The following FAT4 variants were observed in gnomAD, a reference collection of about 807,000 sequenced individuals.
FAT4 encodes the protein FAT atypical cadherin 4, also known as protocadherin Fat 4.
A neutral mutation model predicts 303.9 loss-of-function variants in FAT4; 84 were observed. The observed-to-expected ratio is 0.28, with a 90% CI of 0.23 to 0.33. The LOEUF (loss-of-function observed/expected upper bound fraction) is 0.33, where lower values mean the gene tolerates loss of function less well. FAT4 is among the 10% of genes least tolerant of loss of function. The probability of loss-of-function intolerance (pLI) is 1.00; values close to 1 mark genes in which losing one functional copy is unlikely to be tolerated. For synonymous variants in FAT4, 2,307 were observed against 2,298.8 expected, an observed-to-expected ratio of 1.00 and a Z score of -0.10; for missense variants, 6,005 against 6,146.8, an observed-to-expected ratio of 0.98 and a Z score of 0.77.
intron 11 of FAT4, 113 bp from the exon 12 acceptor site, chr4:125,468,399 A>G: frequency 1.3e-6 from 1 of 755,724 alleles, no homozygotes; most frequent in Non-Finnish European, 1.9e-6. Flanking sequence ...TTTGGAAAGT[A>G]AAAAAAGTTG....
intron 2 of FAT4, among the ~76,000 whole-genome samples, chr4:125,342,110 T>C (rs961574170): frequency 6.6e-6 from 1 of 151,978 alleles, no homozygotes; most frequent in Non-Finnish European, 1.5e-5. Flanking sequence ...CTTGGCATTA[T>C]TGAATGTTGG....
At chr4:125,398,686 T>C (rs1734270659) in intron 2 of FAT4, 98 bp from the exon 3 acceptor site, 3 of 1,187,034 alleles carry the variant, frequency 2.5e-6, no homozygotes, top group South Asian at 1.6e-5. Context: ...CCAATTCATT[T>C]TGGCAGTCTT....
In FAT4 at chr4:125,446,315, T is replaced by G. The variant is rs372393419; in HGVS notation, c.7222T>G (p.Ser2408Ala). The change falls in exon 9 of 18, where the codon TCT becomes GCT. Residue 2408 changes from serine to alanine, a missense_variant. Transcript: ENST00000394329. ...TAGTTATAGGATCATCGGTGGAAAC[T>G]CTCAGTTCACGATCAACCCATCGAC... ...VISYRIIGGN[S>A]QFTINPSTGQ... 2 of 1,612,824 alleles carry G rather than the reference T, an allele frequency of 1.2e-6. No individual in the cohort carries two copies. The highest frequency in any genetic ancestry group is 1.3e-5 in the African/African-American group (1 of 74,846).
At chr4:125,365,922 A>AGG (rs1732862329) in intron 2 of FAT4, among the ~76,000 whole-genome samples, 1 of 152,158 alleles carries the variant, frequency 6.6e-6, no homozygotes, top group Non-Finnish European at 1.5e-5. Context: ...GACGCACAGC[A>AGG]GGAGGTGAGC....
intron 2 of FAT4, among the ~76,000 whole-genome samples, chr4:125,331,081 G>A (rs1376657420): frequency 2.6e-5 from 4 of 151,946 alleles, no homozygotes; most frequent in South Asian, 2.1e-4. Flanking sequence ...TCCAGTTTTC[G>A]TTTTTCTCTT....
chr4:125,335,914 G>A (rs898949910), intron 2 of FAT4, among the ~76,000 whole-genome samples: 2 of 151,934 alleles, frequency 1.3e-5, no homozygotes, highest in African/African-American at 4.8e-5. Flanking sequence ...AGTACACATA[G>A]CACTGCATAT....
At position 125,450,189 on chromosome 4, in the gene FAT4, C is replaced by T. The variant is rs2126059069; in HGVS notation, c.9179C>T (p.Thr3060Ile). The T allele has an allele frequency of 6.2e-7, 1 of 1,613,796 alleles. No individual in the cohort carries two copies. The highest frequency in any genetic ancestry group is 8.5e-7 in the Non-Finnish European group (1 of 1,179,980). Residue 3060 changes from threonine to isoleucine, a missense_variant, in exon 10 of 18, where the codon ACA becomes ATA. Transcript: ENST00000394329. Reference protein sequence around the residue: ...ISDLNQNFFITVTAKDKGNPP... With the variant: ...ISDLNQNFFIIVTAKDKGNPP... Reference sequence around the variant, plus strand: ...GACTTGAACCAAAACTTTTTTATCACAGTCACTGCAAAGGATAAGGGAAAC... The same window carrying T: ...GACTTGAACCAAAACTTTTTTATCATAGTCACTGCAAAGGATAAGGGAAAC...
rs982906812 is a variant in FAT4 at position 125,320,064 on chromosome 4, C to T, written c.3653C>T (p.Thr1218Ile). The change falls in exon 2 of 18, where the codon ACA (threonine) becomes ATA (isoleucine). Residue 1218 changes from threonine (T) to isoleucine (I), a missense_variant. Thr to Ile is a moderately conservative substitution (Grantham distance 89). Transcript: ENST00000394329. ...TTTTTAAAAGACTTTTACCAAGCTA[C>T]AATATCAGAATCAGCAGCCAATCTG... ...PKFLKDFYQA[T>I]ISESAANLTQ... is the part of the protein sequence containing the mutation. 1 of 1,613,864 alleles carries T rather than the reference C, an allele frequency of 6.2e-7. No individual in the cohort carries two copies. Among genetic ancestry groups the T allele is most frequent in the African/African-American group, 1.3e-5 (1 of 75,040 alleles).
intron 7 of FAT4, among the ~76,000 whole-genome samples, chr4:125,426,650 A>T (rs1294181071): frequency 6.6e-6 from 1 of 152,034 alleles, no homozygotes; most frequent in Non-Finnish European, 1.5e-5. Flanking sequence ...TTCTTAAGAT[A>T]AAACTCCAGA....
chr4:125,358,661 T>C (rs551694511), intron 2 of FAT4, among the ~76,000 whole-genome samples: 8 of 152,182 alleles, frequency 5.3e-5, no homozygotes, highest in African/African-American at 1.9e-4. Context: ...TAAATAGAGA[T>C]GAAGCTTCAC....
At chr4:125,442,092 G>A (rs762338491) in intron 8 of FAT4, among the ~76,000 whole-genome samples, 1 of 152,054 alleles carries the variant, frequency 6.6e-6, no homozygotes, top group Non-Finnish European at 1.5e-5. Flanking sequence ...TTTACAATCT[G>A]GCCCATTATA....
Position 125,479,723 on chromosome 4 carries a change from C to G in FAT4, c.12480-18C>G. On this transcript the variant is annotated intron_variant, in intron 14 of 17. Transcript: ENST00000394329. ...CATCTTTTATGTGCGTTATTGTTCTCATTATGATTTATTTTAGATGCCCTA... is the reference window on the plus strand; with the variant it reads ...CATCTTTTATGTGCGTTATTGTTCTGATTATGATTTATTTTAGATGCCCTA... The G allele has an allele frequency of 6.4e-7, 1 of 1,558,744 alleles. No individual in the cohort carries two copies.
At position 125,490,084 on chromosome 4, in the gene FAT4, C is replaced by T. The variant is rs1335374644; in HGVS notation, c.13268C>T (p.Ala4423Val). ...GDLLCINQWY[A>V]YRCVPPGDCA... ...TTGCTGTGCATTAATCAGTGGTATG[C>T]CTACAGGTGTGTCCCTCCTGGGGAC... Residue 4423 changes from alanine to valine, a missense_variant, in exon 18 of 18, where the codon GCC becomes GTC. By Grantham distance (64) the Ala-to-Val change is moderately conservative (BLOSUM62 0). Transcript: ENST00000394329. 1 of 1,613,914 alleles carries T rather than the reference C, an allele frequency of 6.2e-7. No individual in the cohort carries two copies.
At chr4:125,381,327 T>G (rs1055566669) in intron 2 of FAT4, among the ~76,000 whole-genome samples, 1 of 152,194 alleles carries the variant, frequency 6.6e-6, no homozygotes. Flanking sequence ...GGTAGCTACT[T>G]GAATTTTTGA....
chr4:125,456,406 A>G (rs1033071085), intron 10 of FAT4, among the ~76,000 whole-genome samples: 1 of 152,168 alleles, frequency 6.6e-6, no homozygotes, highest in Non-Finnish European at 1.5e-5. Context: ...AGATAATCCA[A>G]CTGATCAGGA....
At position 125,319,380 on chromosome 4, in the gene FAT4, A is replaced by G; in HGVS notation, c.2969A>G (p.Asn990Ser). ...TTAACAGTTTATGTCCATGATGTAA[A>G]TGACAATTCACCAGTGTTTGACCAA... is the stretch of plus-strand genomic sequence containing the variant. ...VILTVYVHDV[N>S]DNSPVFDQLS... Residue 990 changes from asparagine to serine, a missense_variant, in exon 2 of 18, where the codon AAT (asparagine) becomes AGT (serine). Physicochemically the swap from Asn to Ser is conservative, Grantham distance 46 (BLOSUM62 1). Transcript: ENST00000394329. 1 of 1,613,098 alleles carries G rather than the reference A, an allele frequency of 6.2e-7. No individual in the cohort carries two copies. The highest frequency in any genetic ancestry group is 8.5e-7 in the Non-Finnish European group (1 of 1,179,534).
intron 2 of FAT4, among the ~76,000 whole-genome samples, chr4:125,341,048 A>G (rs1237634499): frequency 1.3e-5 from 2 of 152,182 alleles, no homozygotes; most frequent in Non-Finnish European, 2.9e-5. Flanking sequence ...CTTTAACAGA[A>G]TAGTTTTTAT....
At position 125,317,633 on chromosome 4, in the gene FAT4, G is replaced by A. The variant is rs574924064; in HGVS notation, c.1222G>A (p.Glu408Lys). Residue 408 changes from glutamate to lysine, a missense_variant, in exon 2 of 18, where the codon GAA becomes AAA. Physicochemically the swap from Glu to Lys is moderately conservative, Grantham distance 56 (BLOSUM62 1). Coordinates refer to ENST00000394329, the MANE Select transcript of FAT4 (RefSeq NM_001291303.3). This position sits in a 1 kb window ranked among gnomAD's most constrained non-coding sequence, Gnocchi z 7.0. Reference sequence around the variant, plus strand: ...CGGGGGCAATGAGCAGCGCCACTTTGAAGTGCAAAGCAGCAAAGTGCCGAA... The same window carrying A: ...CGGGGGCAATGAGCAGCGCCACTTTAAAGTGCAAAGCAGCAAAGTGCCGAA... ...ILGGNEQRHF[E>K]VQSSKVPNLS... 27 of 1,614,026 alleles carry A rather than the reference G, an allele frequency of 1.7e-5. No homozygotes were observed. The East Asian group carries it at 6.0e-4, about 36-fold the overall frequency.
chr4:125,391,250 A>G (rs1733963986), intron 2 of FAT4, among the ~76,000 whole-genome samples: 1 of 152,200 alleles, frequency 6.6e-6, no homozygotes, highest in African/African-American at 2.4e-5. Context: ...TTACAATAGC[A>G]AAGAAATGGA....
Sources: allele counts gnomAD v4.1 joint callset (sites outside exome capture counted in the v4.1 genomes callset), GRCh38; gene constraint gnomAD v4.1.1; non-coding constraint Gnocchi (gnomAD v3.1); transcripts MANE v1.5; gene names NCBI Gene and HGNC (gene_info 2026-07-23, HGNC 2026-07-21).